Variants in DDX20 observed in about 807,000 individuals in gnomAD.
DDX20 encodes the protein probable ATP-dependent RNA helicase DDX20.
DDX20 carries 61 observed loss-of-function variants against 76.4 expected under a neutral mutation model. The ratio of observed to expected loss-of-function variants is 0.80; its 90% CI spans 0.65 to 0.99. The LOEUF is 0.99. Ranked by LOEUF, DDX20 falls within the 50% of genes least tolerant of loss-of-function variation. The pLI is 0.00. For synonymous variants in DDX20, 357 were observed against 357.4 expected (o/e 1.00, Z 0.01); for missense variants, 976 against 996.8 (o/e 0.98, Z 0.28).
intron 5 of DDX20, 65 bp from the exon 6 acceptor site, chr1:111,760,922 G>C: frequency 6.3e-7 from 1 of 1,597,504 alleles, no homozygotes; most frequent in Non-Finnish European, 8.5e-7. Flanking sequence ...GCCTAGTTTT[G>C]TCTTGCTGTT....
chr1:111,761,823 T>A (rs1034272695), intron 7 of DDX20: 3 of 155,488 alleles, frequency 1.9e-5, no homozygotes, highest in African/African-American at 7.2e-5. Flanking sequence ...ATTTTTAACC[T>A]GTTGGCATGA....
At position 111,766,742 on chromosome 1, in the gene DDX20, A is replaced by G. The variant is rs1211566797; in HGVS notation, c.2318A>G (p.Tyr773Cys). The G allele has an allele frequency of 1.2e-6, 2 of 1,614,208 alleles. No homozygotes were observed. Among genetic ancestry groups the G allele is most frequent in the East Asian group, 2.2e-5 (1 of 44,892 alleles). ...RLSFSDTYQDYEEYWRAYYRA... is the reference protein window; with the variant it reads ...RLSFSDTYQDCEEYWRAYYRA... ...AGTTTTTCTGATACCTATCAGGATT[A>G]TGAGGAGTACTGGAGAGCTTACTAC... The change falls in exon 11 of 11, where the codon TAT becomes TGT. Residue 773 changes from tyrosine to cysteine, a missense_variant. This residue lies in a region of DDX20 where 630 missense variants were observed against 693.7 expected (regional missense o/e 0.91). Coordinates refer to ENST00000369702, the MANE Select transcript of DDX20 (RefSeq NM_007204.5).
chr1:111,763,132 T>A, intron 10 of DDX20, 125 bp downstream of exon 10: 2 of 708,838 alleles, frequency 2.8e-6, no homozygotes. Flanking sequence ...TGTATGTACG[T>A]TAACTCATTT....
chr1:111,756,655 T>G lies in DDX20; in HGVS notation c.311T>G (p.Val104Gly), dbSNP rs371615652. ...PLGRCGLDLI[V>G]QAKSGTGKTC... ...TTTTTTTCCTTCGCAGATTTAATTG[T>G]TCAAGCTAAATCTGGCACCGGGAAA... The change falls in exon 2 of 11, where the codon GTT becomes GGT. Residue 104 changes from valine to glycine, a missense_variant. Around this residue, in one of 3 missense-constraint regions of DDX20, gnomAD observed 343 missense variants for 286.4 expected, o/e 1.20. Coordinates refer to ENST00000369702, the MANE Select transcript of DDX20 (RefSeq NM_007204.5). The G allele has an allele frequency of 5.6e-6, 9 of 1,613,976 alleles. No individual in the cohort carries two copies. Among genetic ancestry groups the G allele is most frequent in the Non-Finnish European group, 7.6e-6 (9 of 1,179,954 alleles).
At position 111,760,503 on chromosome 1, in the gene DDX20, T is replaced by C; in HGVS notation, c.595T>C (p.Tyr199His). The stretch of plus-strand genomic sequence containing the variant: ...AATTAAGCAACTCATAGAACTTGAC[T>C]ACTTGAACCCAGGCAGTATACGCCT... ...GRIKQLIELD[Y>H]LNPGSIRLFI... The change falls in exon 4 of 11, where the codon TAC becomes CAC. Residue 199 changes from tyrosine (Y) to histidine (H), a missense_variant. Coordinates refer to ENST00000369702, the MANE Select transcript of DDX20 (RefSeq NM_007204.5). 1 of 1,605,332 alleles carries C rather than the reference T, an allele frequency of 6.2e-7. No individual in the cohort carries two copies. Among genetic ancestry groups the C allele is most frequent in the Non-Finnish European group, 8.5e-7 (1 of 1,177,836 alleles).
Position 111,766,495 on chromosome 1 carries a change from G to A in DDX20, c.2071G>A (p.Asp691Asn). The change falls in exon 11 of 11, where the codon GAT becomes AAT. Residue 691 changes from aspartate to asparagine, a missense_variant. Asp to Asn is a conservative substitution (Grantham distance 23, BLOSUM62 1). Coordinates refer to ENST00000369702, the MANE Select transcript of DDX20 (RefSeq NM_007204.5). ...GAAAGACTCTGAATCTACGCCTGTG[G>A]ATGATCGTATTTCTTTGGAACAACC... ...QLKDSESTPV[D>N]DRISLEQPPN... is the part of the protein sequence containing the mutation. 6.2e-7 allele frequency: 1 copy of A among 1,614,146 alleles called. No homozygotes were observed. Among genetic ancestry groups the A allele is most frequent in the Non-Finnish European group, 8.5e-7 (1 of 1,180,012 alleles).
At chr1:111,763,391 G>T (rs1450978168) in intron 10 of DDX20, among the ~76,000 whole-genome samples, 1 of 152,166 alleles carries the variant, frequency 6.6e-6, no homozygotes, top group Non-Finnish European at 1.5e-5. Context: ...GGTCAATGTG[G>T]TGAAACCTCT....
At position 111,767,028 on chromosome 1, in the gene DDX20, C is replaced by A; in HGVS notation, c.*129C>A. Reference sequence around the variant, plus strand: ...TAAACTTGAAAAGACTTGAGTCTTTCCACTGGGACACATCCATTTTTCAGA... The same window carrying A: ...TAAACTTGAAAAGACTTGAGTCTTTACACTGGGACACATCCATTTTTCAGA... On this transcript the variant is annotated 3_prime_UTR_variant, in exon 11 of 11. Transcript: ENST00000369702. The A allele has an allele frequency of 3.2e-6, 2 of 624,952 alleles. No individual in the cohort carries two copies. The highest frequency in any genetic ancestry group is 2.6e-6 in the Non-Finnish European group (1 of 379,344). 38.7% of individuals were successfully genotyped at this position (624,952 alleles called of 1,614,324 possible). A position where few individuals can be genotyped will look rare whatever the true frequency, so the allele number is the denominator to read the frequency against.
At position 111,756,060 on chromosome 1, in the gene DDX20, C is replaced by T. The variant is rs1663541853; in HGVS notation, c.136C>T (p.Leu46Phe). The change falls in exon 1 of 11, where the codon CTC (leucine) becomes TTC (phenylalanine). Residue 46 changes from leucine (L) to phenylalanine (F), a missense_variant. Leu to Phe is a conservative substitution (Grantham distance 22). This residue lies in a region of DDX20 where 343 missense variants were observed against 286.4 expected (regional missense o/e 1.20). Transcript: ENST00000369702. ...PVRILRTAQD[L>F]SSPRTRTGDV... ...GAGGATCCTGCGGACCGCTCAGGAT[C>T]TCAGCAGCCCGCGGACCCGCACGGG... 2 of 1,608,674 alleles carry T rather than the reference C, an allele frequency of 1.2e-6. No individual in the cohort carries two copies. The highest frequency in any genetic ancestry group is 2.7e-5 in the African/African-American group (2 of 74,990).
At position 111,761,145 on chromosome 1, in the gene DDX20, C is replaced by T. The variant is rs1241994958; in HGVS notation, c.962+20C>T. On this transcript the variant is annotated intron_variant, in intron 6 of 10. Transcript: ENST00000369702. Reference sequence around the variant, plus strand: ...CAGCAGGTAATGTAACTTAAAAGGTCATCTGGGGAACTTGTGAAATAAAAG... The same window carrying T: ...CAGCAGGTAATGTAACTTAAAAGGTTATCTGGGGAACTTGTGAAATAAAAG... 1 of 1,611,744 alleles carries T rather than the reference C, an allele frequency of 6.2e-7. No homozygotes were observed. Among genetic ancestry groups the T allele is most frequent in the African/African-American group, 1.3e-5 (1 of 74,798 alleles).
Position 111,766,921 on chromosome 1 carries a change from A to G in DDX20, c.*22A>G. 3 of 1,548,734 alleles carry G rather than the reference A, an allele frequency of 1.9e-6. No homozygotes were observed. The highest frequency in any genetic ancestry group is 8.8e-7 in the Non-Finnish European group (1 of 1,133,970). On this transcript the variant is annotated 3_prime_UTR_variant, in exon 11 of 11. Transcript: ENST00000369702. Reference sequence around the variant, plus strand: ...GTGATTATAGGATATACCTGAGACCATCAGGAACTGTCAACAAATGATACC... The same window carrying G: ...GTGATTATAGGATATACCTGAGACCGTCAGGAACTGTCAACAAATGATACC...
At chr1:111,758,463 T>C (rs1663609909) in intron 2 of DDX20, among the ~76,000 whole-genome samples, 2 of 151,478 alleles carry the variant, frequency 1.3e-5, no homozygotes, top group Admixed American at 6.6e-5. Flanking sequence ...ACCATGACTC[T>C]CAAGGTCTTT....
chr1:111,766,051 G>A lies in DDX20; in HGVS notation c.1627G>A (p.Glu543Lys), dbSNP rs753843841. The A allele has an allele frequency of 1.2e-5, 20 of 1,614,058 alleles. No homozygotes were observed. The highest frequency in any genetic ancestry group is 1.4e-5 in the Non-Finnish European group (17 of 1,180,046). The part of the protein sequence containing the change: ...PKELGCDRQS[E>K]EQMKNSVQTP... ...AGAACTGGGCTGTGACAGGCAATCC[G>A]AAGAGCAAATGAAGAATTCTGTTCA... The change falls in exon 11 of 11, where the codon GAA (glutamate) becomes AAA (lysine). Residue 543 changes from glutamate (E) to lysine (K), a missense_variant. By Grantham distance (56) the Glu-to-Lys change is moderately conservative (BLOSUM62 1). Transcript: ENST00000369702.
chr1:111,759,973 C>CAAAAAAAAAAAAAAAA (rs754870294), intron 3 of DDX20, among the ~76,000 whole-genome samples: 1 of 57,620 alleles, frequency 1.7e-5, no homozygotes, highest in Admixed American at 1.9e-4. Context: ...GACTCCATCT[C>CAAAAAAAAAAAAAAAA]AAAAAAAAAA....
In DDX20 at chr1:111,755,933, G is replaced by C. The variant is rs1313183593; in HGVS notation, c.9G>C (p.Ala3=). The change falls in exon 1 of 11, where the codon GCG becomes GCC. Residue 3 remains alanine (A), a synonymous_variant. Transcript: ENST00000369702. MA[A]AFEASGALAA... is the part of the protein sequence containing the mutation. The stretch of plus-strand genomic sequence containing the variant: ...CTGACGGCGCGGCTACCATGGCGGC[G>C]GCATTTGAAGCCTCGGGAGCCTTAG... The C allele has an allele frequency of 1.5e-5, 24 of 1,573,266 alleles. No individual in the cohort carries two copies. Among genetic ancestry groups the C allele is most frequent in the Admixed American group, 3.6e-5 (2 of 55,912 alleles).
chr1:111,756,915 C>T (rs1663570376), intron 2 of DDX20, among the ~76,000 whole-genome samples, 175 bp downstream of exon 2: 1 of 152,146 alleles, frequency 6.6e-6, no homozygotes, highest in Admixed American at 6.5e-5. Flanking sequence ...TAGAATAAAG[C>T]TACCATATAT....
Position 111,756,057 on chromosome 1 carries a change from G to A in DDX20, c.133G>A (p.Asp45Asn). 8 of 1,609,018 alleles carry A rather than the reference G, an allele frequency of 5.0e-6. No individual in the cohort carries two copies. Among genetic ancestry groups the A allele is most frequent in the Non-Finnish European group, 6.8e-6 (8 of 1,179,344 alleles). The change falls in exon 1 of 11, where the codon GAT becomes AAT. Residue 45 changes from aspartate to asparagine, a missense_variant. By Grantham distance (23) the Asp-to-Asn change is conservative (BLOSUM62 1). Transcript: ENST00000369702. ...TGTGAGGATCCTGCGGACCGCTCAG[G>A]ATCTCAGCAGCCCGCGGACCCGCAC... ...GPVRILRTAQ[D>N]LSSPRTRTGD...
chr1:111,759,816 T>A, intron 3 of DDX20, among the ~76,000 whole-genome samples: 3 of 150,350 alleles, frequency 2.0e-5, no homozygotes, highest in Admixed American at 1.3e-4. Context: ...CTACTAAAAA[T>A]ACAAAAAATT....
intron 2 of DDX20, among the ~76,000 whole-genome samples, chr1:111,757,099 G>A (rs1571608648): frequency 6.6e-6 from 1 of 151,726 alleles, no homozygotes; most frequent in African/African-American, 2.4e-5. Context: ...TGTCACCTAG[G>A]CTGGAGTGCA....
Sources: allele counts gnomAD v4.1 joint callset (sites outside exome capture counted in the v4.1 genomes callset), GRCh38; gene constraint gnomAD v4.1.1; regional missense constraint gnomAD v4.1.1; transcripts MANE v1.5; gene names NCBI Gene and HGNC (gene_info 2026-07-23, HGNC 2026-07-21).